The following NRXN3 variants were observed in gnomAD, a reference collection of about 807,000 sequenced individuals.
The protein encoded by NRXN3 is neurexin 3.
Under a neutral mutation model 137.6 loss-of-function variants are expected in NRXN3, and 32 were observed. That is an observed-to-expected ratio of 0.23 (90% confidence interval 0.18 to 0.31). NRXN3 has a LOEUF of 0.31. NRXN3 is among the 10% of genes least tolerant of loss of function. The pLI is 1.00. For synonymous variants in NRXN3, 798 were observed against 784.5 expected, an observed-to-expected ratio of 1.02 and a Z score of -0.29; for missense variants, 1,574 against 2,062.5, an observed-to-expected ratio of 0.76 and a Z score of 4.59.
chr14:79,331,823 T>C (rs1235312266), intron 15 of NRXN3, among the ~76,000 whole-genome samples: 3 of 147,868 alleles, frequency 2.0e-5, no homozygotes, highest in African/African-American at 7.5e-5. Context: ...TTTTTAAAGT[T>C]TTAATTAAGG....
At chr14:79,562,778 T>G (rs1417697995) in intron 16 of NRXN3, among the ~76,000 whole-genome samples, 1 of 152,222 alleles carries the variant, frequency 6.6e-6, no homozygotes, top group Non-Finnish European at 1.5e-5. Context: ...AGTTTTCAGA[T>G]AGACTCCCAT....
chr14:78,794,154 G>A (rs760768768), intron 8 of NRXN3, among the ~76,000 whole-genome samples: 22 of 152,158 alleles, frequency 1.4e-4, no homozygotes, highest in Non-Finnish European at 3.2e-4. Flanking sequence ...GCCGAGGCGG[G>A]TAGATCACCC....
chr14:78,698,116 G>A (rs1304622804), intron 6 of NRXN3: 1 of 152,018 alleles, frequency 6.6e-6, no homozygotes, highest in Non-Finnish European at 1.5e-5. Flanking sequence ...CCTATACGCA[G>A]TCATCTTCTT....
chr14:79,188,953 T>C (rs2063878979), intron 15 of NRXN3, among the ~76,000 whole-genome samples: 1 of 152,086 alleles, frequency 6.6e-6, no homozygotes, highest in Admixed American at 6.6e-5. Flanking sequence ...TGTAAACTAG[T>C]TCAACCCTTG....
intron 4 of NRXN3, among the ~76,000 whole-genome samples, chr14:78,417,819 C>T (rs1170207413): frequency 1.3e-5 from 2 of 152,146 alleles, no homozygotes; most frequent in African/African-American, 4.8e-5. Context: ...TGCAATGGCA[C>T]GATCTGGTCT....
At chr14:79,019,370 C>T (rs910300259) in intron 15 of NRXN3, among the ~76,000 whole-genome samples, 13 of 152,084 alleles carry the variant, frequency 8.5e-5, no homozygotes, top group African/African-American at 3.1e-4. Context: ...ATGTATCTTT[C>T]CAAATAACAG....
At chr14:78,204,549 T>C (rs1408627682) in intron 1 of NRXN3, among the ~76,000 whole-genome samples, 1 of 152,176 alleles carries the variant, frequency 6.6e-6, no homozygotes, top group Non-Finnish European at 1.5e-5. Context: ...GGGAATTACT[T>C]AAATTAATGG....
At chr14:78,671,833 T>C (rs1450527570) in intron 6 of NRXN3, among the ~76,000 whole-genome samples, 1 of 152,220 alleles carries the variant, frequency 6.6e-6, no homozygotes, top group African/African-American at 2.4e-5. Flanking sequence ...TTTATGTGTT[T>C]AGCAAATGGA....
chr14:79,153,384 A>G (rs964747212), intron 15 of NRXN3, among the ~76,000 whole-genome samples: 4 of 152,156 alleles, frequency 2.6e-5, no homozygotes, highest in African/African-American at 9.6e-5. Context: ...TACTTAAAAG[A>G]CAAGCATTTC....
chr14:79,266,878 G>T (rs1220486940), intron 15 of NRXN3, among the ~76,000 whole-genome samples: 1 of 152,124 alleles, frequency 6.6e-6, no homozygotes, highest in Non-Finnish European at 1.5e-5. Context: ...GTAACCCCAG[G>T]TTGCAATTCC....
At chr14:79,148,996 T>A (rs1020617387) in intron 15 of NRXN3, among the ~76,000 whole-genome samples, 1 of 152,114 alleles carries the variant, frequency 6.6e-6, no homozygotes, top group Non-Finnish European at 1.5e-5. Flanking sequence ...CCTAACATCT[T>A]TTTTTCCATC....
chr14:78,910,256 C>T (rs1236438311), intron 10 of NRXN3, among the ~76,000 whole-genome samples: 1 of 152,004 alleles, frequency 6.6e-6, no homozygotes, highest in Non-Finnish European at 1.5e-5. Flanking sequence ...TTATACTCTG[C>T]CTCCACCTCT....
rs183939927 is a variant in NRXN3 at position 79,579,312 on chromosome 14, G to A, written c.3445-84466G>A. On this transcript the variant is annotated intron_variant, in intron 16 of 20. Transcript: ENST00000335750. ...CTTTTTATTTTAAATGTTGGTTTAA[G>A]CAAATGTGTACGTATGTGTGAGATA... Among the ~76,000 whole-genome samples, 423 of 145,788 alleles carry A rather than the reference G, an allele frequency of 2.9e-3. 3 individuals are homozygous for A. Among genetic ancestry groups the A allele is most frequent in the Middle Eastern group, 0.011 (3 of 276 alleles).
chr14:79,538,364 GC>G (rs2097235608), intron 16 of NRXN3, among the ~76,000 whole-genome samples: 1 of 152,156 alleles, frequency 6.6e-6, no homozygotes, highest in South Asian at 2.1e-4. Flanking sequence ...TGAAGTCCTT[GC>G]CCATGCCTAT....
intron 16 of NRXN3, among the ~76,000 whole-genome samples, chr14:79,519,427 G>T (rs1297489194): frequency 6.6e-6 from 1 of 151,592 alleles, no homozygotes; most frequent in South Asian, 2.1e-4. Context: ...TTCCCTATAT[G>T]AATTGGCCCT....
chr14:79,813,843 A>G (rs2099243275), intron 20 of NRXN3, among the ~76,000 whole-genome samples: 1 of 152,252 alleles, frequency 6.6e-6, no homozygotes, highest in Non-Finnish European at 1.5e-5. Flanking sequence ...AGAAAAAAAT[A>G]AAAGAAAAAC....
At chr14:79,207,691 A>T (rs1443731426) in intron 15 of NRXN3, among the ~76,000 whole-genome samples, 2 of 152,020 alleles carry the variant, frequency 1.3e-5, no homozygotes, top group African/African-American at 4.8e-5. Context: ...ACAACCTACC[A>T]CTAAAGATCC....
At chr14:79,280,280 C>G in intron 15 of NRXN3, 1 of 1,613,860 alleles carries the variant, frequency 6.2e-7, no homozygotes, top group Non-Finnish European at 8.5e-7. Context: ...GTAGTGGTCC[C>G]GTGCGTTGAC....
Position 78,804,756 on chromosome 14 carries a change from C to T in NRXN3, c.2248+933C>T, listed in dbSNP as rs148399541. On this transcript the variant is annotated intron_variant, in intron 9 of 20. Coordinates refer to ENST00000335750, the MANE Select transcript of NRXN3 (RefSeq NM_001330195.2). ...GATATTCTATAGAGATTGGGATCCTCTTGGTTTTTGGCAAGGAAAAAACAA... is the reference window on the plus strand; with the variant it reads ...GATATTCTATAGAGATTGGGATCCTTTTGGTTTTTGGCAAGGAAAAAACAA... 2.3e-3 allele frequency among the ~76,000 whole-genome samples: 357 copies of T among 152,196 alleles called. 2 individuals carry two copies. Among genetic ancestry groups the T allele is most frequent in the African/African-American group, 8.3e-3 (346 of 41,538 alleles).
Sources: gnomAD v4.1 joint callset for allele counts (sites outside exome capture counted in the v4.1 genomes callset) on GRCh38, gnomAD v4.1.1 for gene constraint, MANE v1.5 for transcripts, NCBI Gene and HGNC (gene_info 2026-07-23, HGNC 2026-07-21) for gene names.